The following LNPK variants were observed in gnomAD, a reference collection of about 807,000 sequenced individuals.
LNPK encodes endoplasmic reticulum junction formation protein lunapark.
A neutral mutation model predicts 55.2 loss-of-function variants in LNPK; 29 were observed. The ratio of observed to expected loss-of-function variants is 0.53; its 90% CI spans 0.39 to 0.72. The LOEUF (loss-of-function observed/expected upper bound fraction) is 0.72. LNPK is among the 30% of genes least tolerant of loss of function. The pLI is 0.00. For missense variants in LNPK, 467 were observed against 494.8 expected (o/e 0.94, Z 0.53); for synonymous variants, 162 against 168.2 (o/e 0.96, Z 0.29).
intron 8 of LNPK, among the ~76,000 whole-genome samples, chr2:175,948,302 T>TA (rs1179668534): frequency 6.6e-6 from 1 of 152,242 alleles, no homozygotes; most frequent in Non-Finnish European, 1.5e-5. Flanking sequence ...AGCTTATAGT[T>TA]ACAGAAATTA....
rs377256561 is a variant in LNPK, at chr2:175,950,410, G to A, written c.494-2718C>T. Among the ~76,000 whole-genome samples, 526 of 152,006 alleles carry A rather than the reference G, an allele frequency of 3.5e-3. 15 individuals are homozygous for A. In the South Asian group the frequency reaches 0.073, roughly 21 times the overall value. The stretch of plus-strand genomic sequence containing the variant: ...ATAGCTAGAAGAGAAGAATTGGAAT[G>A]TTCTCAACATAAATAAAAGATAAAT... On this transcript the variant is annotated intron_variant, in intron 8 of 12. Transcript: ENST00000272748.
chr2:175,923,996 A>G lies in LNPK; in HGVS notation c.*5971T>C, dbSNP rs1683901750. The G allele has an allele frequency of 6.6e-6, 1 of 152,168 alleles. No individual in the cohort carries two copies. The highest frequency in any genetic ancestry group is 1.5e-5 in the Non-Finnish European group (1 of 68,004). The allele number at this position is 152,168 out of a possible 1,614,324, so 9.4% of individuals were successfully genotyped here. On this transcript the variant is annotated 3_prime_UTR_variant, in exon 13 of 13. Coordinates refer to ENST00000272748, the MANE Select transcript of LNPK (RefSeq NM_030650.3). ...AGAGCCTGAATATATTTACTTATTG[A>G]CCAGTAGAATGCATACACTTAAAAC... is the stretch of plus-strand genomic sequence containing the variant.
intron 9 of LNPK, among the ~76,000 whole-genome samples, chr2:175,945,641 C>T (rs1404995557): frequency 6.6e-6 from 1 of 151,564 alleles, no homozygotes; most frequent in Non-Finnish European, 1.5e-5. Flanking sequence ...AAATTTTCAA[C>T]TTGAATAAGC....
In LNPK at chr2:175,929,341, T is replaced by C. The variant is rs1684154907; in HGVS notation, c.*626A>G. The C allele has an allele frequency of 1.0e-6, 1 of 985,664 alleles. No individual in the cohort carries two copies. The highest frequency in any genetic ancestry group is 1.7e-5 in the African/African-American group (1 of 57,246). The allele number at this position is 985,664 out of a possible 1,614,324, so 61.1% of individuals were successfully genotyped here. A position where few individuals can be genotyped will look rare whatever the true frequency, so the allele number is the denominator to read the frequency against. ...AAGACATCAAAAAGAAACACTGCAG[T>C]TGACTGTTTCATTGCATTCTCACTG... On this transcript the variant is annotated 3_prime_UTR_variant, in exon 13 of 13. Coordinates refer to ENST00000272748, the MANE Select transcript of LNPK (RefSeq NM_030650.3).
chr2:175,955,557 T>G (rs146170217), intron 8 of LNPK, among the ~76,000 whole-genome samples: 150 of 152,352 alleles, frequency 9.8e-4, no homozygotes, highest in Admixed American at 1.9e-3. Context: ...ACAGTATGAA[T>G]TTGATACTTA....
At chr2:176,002,523 CT>C (rs200365159), upstream of LNPK, 825 of 202,806 alleles carry the variant, frequency 4.1e-3, 6 homozygotes, top group African/African-American at 0.019. Flanking sequence ...CTTCCGCTGC[CT>C]CCTTTGCTTT....
Position 175,996,724 on chromosome 2 carries a change from C to T in LNPK, c.-62-1078G>A, listed in dbSNP as rs369058636. ...TTTCTCCCTGACATTGTATACAAGT[C>T]CCTGAAGCTAGTTGACCTTCAATTC... On this transcript the variant is annotated intron_variant, in intron 1 of 12. Coordinates refer to ENST00000272748, the MANE Select transcript of LNPK (RefSeq NM_030650.3). Among the ~76,000 whole-genome samples the T allele has an allele frequency of 2.1e-4, 32 of 152,268 alleles. 1 individual carries two copies. In the South Asian group the frequency reaches 6.4e-3, roughly 31 times the overall value.
At chr2:175,989,215 G>A (rs1687578950) in intron 4 of LNPK, among the ~76,000 whole-genome samples, 2 of 152,202 alleles carry the variant, frequency 1.3e-5, no homozygotes, top group South Asian at 4.1e-4. Flanking sequence ...GAGGAGGCAT[G>A]AAAATTGTAT....
chr2:175,984,786 C>T (rs139578174), intron 4 of LNPK, among the ~76,000 whole-genome samples: 247 of 152,246 alleles, frequency 1.6e-3, no homozygotes, highest in African/African-American at 5.7e-3. Context: ...GGTATAGCTA[C>T]TCTGAAAAAA....
intron 8 of LNPK, among the ~76,000 whole-genome samples, chr2:175,950,312 C>T (rs1392593493): frequency 6.6e-6 from 1 of 151,918 alleles, no homozygotes; most frequent in Non-Finnish European, 1.5e-5. Flanking sequence ...CAAAAACATA[C>T]ATAGGAGGAA....
At chr2:175,974,888 CA>C (rs528705468) in intron 5 of LNPK, among the ~76,000 whole-genome samples, 26 of 146,114 alleles carry the variant, frequency 1.8e-4, no homozygotes, top group African/African-American at 2.0e-4. Context: ...TATTTTAAAG[CA>C]AAAAAAAAAT....
chr2:175,964,464 T>C (rs894597285), intron 7 of LNPK, 41 bp from the exon 8 acceptor site: 2 of 1,590,108 alleles, frequency 1.3e-6, no homozygotes, highest in Middle Eastern at 1.7e-4. Flanking sequence ...CCTATTACAA[T>C]GTGTAATTTA....
At chr2:175,964,326 T>C (rs201415922) in intron 8 of LNPK, 46 bp downstream of exon 8, 2 of 1,529,436 alleles carry the variant, frequency 1.3e-6, no homozygotes, top group Non-Finnish European at 1.8e-6. Context: ...CTTGGGTAAT[T>C]ATGGATCTTT....
intron 4 of LNPK, among the ~76,000 whole-genome samples, chr2:175,984,206 T>C (rs982240686): frequency 6.6e-6 from 1 of 151,724 alleles, no homozygotes; most frequent in South Asian, 2.1e-4. Flanking sequence ...AGACGGAGTC[T>C]AGCTCTGTTG....
Position 175,928,295 on chromosome 2 carries a change from G to A in LNPK, c.*1672C>T, listed in dbSNP as rs1028952351. The A allele has an allele frequency of 6.6e-5, 10 of 151,924 alleles. No homozygotes were observed. The highest frequency in any genetic ancestry group is 2.2e-4 in the African/African-American group (9 of 41,380). The allele number at this position is 151,924 out of a possible 1,614,324, so 9.4% of individuals were successfully genotyped here. A position where few individuals can be genotyped will look rare whatever the true frequency, so the allele number is the denominator to read the frequency against. Reference sequence around the variant, plus strand: ...ATAAGAACAAATGCCATCGTTTTCAGGTAGTGTGCTAGGCACATTACATTA... The same window carrying A: ...ATAAGAACAAATGCCATCGTTTTCAAGTAGTGTGCTAGGCACATTACATTA... On this transcript the variant is annotated 3_prime_UTR_variant, in exon 13 of 13. Coordinates refer to ENST00000272748, the MANE Select transcript of LNPK (RefSeq NM_030650.3).
chr2:176,001,143 T>C (rs1264331361), intron 1 of LNPK, among the ~76,000 whole-genome samples: 1 of 152,162 alleles, frequency 6.6e-6, no homozygotes, highest in African/African-American at 2.4e-5. Context: ...ACCACTCCTG[T>C]TTAAGAAAAT....
chr2:175,941,065 T>C (rs1326744810), intron 9 of LNPK: 3 of 429,620 alleles, frequency 7.0e-6, no homozygotes, highest in Non-Finnish European at 9.3e-6. Flanking sequence ...CTGGGCAATA[T>C]GAGGAAGCCC....
intron 5 of LNPK, among the ~76,000 whole-genome samples, chr2:175,976,898 T>C (rs1044371003): frequency 2.0e-5 from 3 of 152,218 alleles, no homozygotes; most frequent in Non-Finnish European, 4.4e-5. Flanking sequence ...CATGAGCCAA[T>C]TCCTTATAAT....
At position 175,930,130 on chromosome 2, in the gene LNPK, T is replaced by C; in HGVS notation, c.1124A>G (p.Gln375Arg). The C allele has an allele frequency of 1.2e-6, 2 of 1,613,918 alleles. No homozygotes were observed. Among genetic ancestry groups the C allele is most frequent in the Non-Finnish European group, 1.7e-6 (2 of 1,179,828 alleles). Residue 375 changes from glutamine (Q) to arginine (R), a missense_variant, in exon 13 of 13, where the codon CAG becomes CGG. Physicochemically the swap from Gln to Arg is conservative, Grantham distance 43. Coordinates refer to ENST00000272748, the MANE Select transcript of LNPK (RefSeq NM_030650.3). ...TGCTTTTTCAATCACTTGGTTTGTC[T>C]GTTCTGTAGCTGGTATTTTGTCATC... ...QTDDKIPATEQTNQVIEKASD... is the reference protein window; with the variant it reads ...QTDDKIPATERTNQVIEKASD...
Sources: allele counts gnomAD v4.1 joint callset (sites outside exome capture counted in the v4.1 genomes callset), GRCh38; gene constraint gnomAD v4.1.1; transcripts MANE v1.5; gene names NCBI Gene and HGNC (gene_info 2026-07-23, HGNC 2026-07-21).